The following PRRC2C variants were observed in gnomAD, a reference collection of about 807,000 sequenced individuals.
PRRC2C encodes proline rich coiled-coil 2C, also known as protein PRRC2C.
PRRC2C carries 72 observed loss-of-function variants against 317.2 expected under a neutral mutation model. The ratio of observed to expected loss-of-function variants is 0.23; its 90% confidence interval spans 0.19 to 0.28. The LOEUF (loss-of-function observed/expected upper bound fraction) is 0.28. Among genes scored for constraint, PRRC2C ranks in the 10% least tolerant of loss-of-function variants. PRRC2C has a pLI of 1.00. For synonymous variants in PRRC2C, 1,296 were observed against 1,205.9 expected (o/e 1.07, Z -1.55); for missense variants, 3,074 against 3,459.7 (o/e 0.89, Z 2.80).
intron 22 of PRRC2C, among the ~76,000 whole-genome samples, chr1:171,567,795 T>C (rs1157865755): frequency 6.6e-6 from 1 of 152,230 alleles, no homozygotes; most frequent in Non-Finnish European, 1.5e-5. Context: ...GTTGTATTAT[T>C]CCATTGTTAG....
At position 171,542,085 on chromosome 1, in the gene PRRC2C, T is replaced by C; in HGVS notation, c.4619T>C (p.Ile1540Thr). The C allele has an allele frequency of 6.2e-7, 1 of 1,613,692 alleles. No individual in the cohort carries two copies. Among genetic ancestry groups the C allele is most frequent in the Non-Finnish European group, 8.5e-7 (1 of 1,179,850 alleles). Residue 1540 changes from isoleucine to threonine, a missense_variant, in exon 16 of 35, where the codon ATT (isoleucine) becomes ACT (threonine). This residue lies in a region of PRRC2C where 178 missense variants were observed against 163.0 expected (regional missense o/e 1.09). Transcript: ENST00000647382. Reference protein sequence around the residue: ...GENVLPPKREIAKRSFSSQRP... With the variant: ...GENVLPPKRETAKRSFSSQRP... ...AATGTTCTACCTCCAAAGAGGGAAA[T>C]TGCAAAGAGAAGTTTTTCTAGTCAG...
At chr1:171,559,735 G>A (rs1165010366) in intron 19 of PRRC2C, among the ~76,000 whole-genome samples, 1 of 151,830 alleles carries the variant, frequency 6.6e-6, no homozygotes, top group Admixed American at 6.6e-5. Context: ...TGGCCAGGCT[G>A]GTCTCGAACC....
intron 24 of PRRC2C, 75 bp from the exon 25 acceptor site, chr1:171,574,852 C>T (rs1319446430): frequency 2.2e-6 from 3 of 1,339,460 alleles, no homozygotes; most frequent in African/African-American, 1.5e-5. Context: ...CACTTAAATA[C>T]TGATACATGT....
chr1:171,582,716 C>T (rs1308330616), intron 28 of PRRC2C, among the ~76,000 whole-genome samples: 6 of 151,916 alleles, frequency 3.9e-5, no homozygotes, highest in African/African-American at 9.7e-5. Flanking sequence ...AAAAATGGTA[C>T]GTACCATGTA....
intron 1 of PRRC2C, among the ~76,000 whole-genome samples, chr1:171,508,389 T>G (rs1670655606): frequency 6.6e-6 from 1 of 152,252 alleles, no homozygotes; most frequent in Non-Finnish European, 1.5e-5. Flanking sequence ...CTGCATTTAT[T>G]GAGATGATCA....
chr1:171,563,213 T>C (rs1683021423), intron 20 of PRRC2C, among the ~76,000 whole-genome samples: 1 of 152,130 alleles, frequency 6.6e-6, no homozygotes, highest in African/African-American at 2.4e-5. Flanking sequence ...CTCACCACCA[T>C]AGAAACCAAA....
chr1:171,523,425 A>T lies in PRRC2C; in HGVS notation c.968-10A>T, dbSNP rs755030974. The T allele has an allele frequency of 6.2e-7, 1 of 1,613,484 alleles. No individual in the cohort carries two copies. The highest frequency in any genetic ancestry group is 8.5e-7 in the Non-Finnish European group (1 of 1,179,662). ...CAAGCAGCCAGTCTGAGTTTTCCTT[A>T]ATTTAATAGGTGCTCAGATGGAAGT... On this transcript the variant is annotated splice_polypyrimidine_tract_variant and intron_variant, in intron 8 of 34. Transcript: ENST00000647382.
Position 171,489,074 on chromosome 1 carries a change from C to T in PRRC2C, c.-58+3339C>T, listed in dbSNP as rs76233327. Reference sequence around the variant, plus strand: ...CTCTACTAGACTGTTTCCATGTCCTCATCACCTTGTATGGTGGTTGGCGTA... The same window carrying T: ...CTCTACTAGACTGTTTCCATGTCCTTATCACCTTGTATGGTGGTTGGCGTA... On this transcript the variant is annotated intron_variant, in intron 1 of 34. Coordinates refer to ENST00000647382, the MANE Select transcript of PRRC2C (RefSeq NM_001387844.1). 6.7e-3 allele frequency among the ~76,000 whole-genome samples: 1,023 copies of T among 152,254 alleles called. 13 individuals are homozygous for T. Among genetic ancestry groups the T allele is most frequent in the Non-Finnish European group, 6.4e-3 (437 of 68,008 alleles).
intron 1 of PRRC2C, among the ~76,000 whole-genome samples, chr1:171,500,825 TC>T (rs1197510176): frequency 6.6e-6 from 1 of 152,014 alleles, no homozygotes; most frequent in Non-Finnish European, 1.5e-5. Context: ...CTTTTTTTCC[TC>T]CCCCCAAAAA....
chr1:171,561,794 GTTA>G (rs1682766691), intron 20 of PRRC2C, among the ~76,000 whole-genome samples: 1 of 152,156 alleles, frequency 6.6e-6, no homozygotes, highest in Non-Finnish European at 1.5e-5. Flanking sequence ...ATAGCAGATA[GTTA>G]TTCTAACATA....
rs35480518 is a variant in PRRC2C, at chr1:171,547,633, C to CTTTTTT, written c.4972+1953_4972+1958dup. 7.7e-5 allele frequency among the ~76,000 whole-genome samples: 10 copies of CTTTTTT among 129,834 alleles called. 1 individual carries two copies. Among genetic ancestry groups the CTTTTTT allele is most frequent in the Non-Finnish European group, 1.3e-4 (8 of 63,334 alleles). 85.2% of individuals were successfully genotyped at this position (129,834 alleles called of 152,430 possible). A position where few individuals can be genotyped will look rare whatever the true frequency, so the allele number is the denominator to read the frequency against. ...TTTCTTTTGAAATCAAGTTTCCCTT[C>CTTTTTT]TTTTTTTTTTTTGTTTTTTTTTTTT... On this transcript the variant is annotated intron_variant, in intron 17 of 34. Transcript: ENST00000647382.
At chr1:171,508,872 A>AT (rs564538191) in intron 1 of PRRC2C, among the ~76,000 whole-genome samples, 35 of 149,656 alleles carry the variant, frequency 2.3e-4, no homozygotes, top group Non-Finnish European at 4.0e-4. Context: ...CATCAATTTA[A>AT]TTTTTTTTTT....
intron 11 of PRRC2C, among the ~76,000 whole-genome samples, chr1:171,529,808 T>G (rs992650752): frequency 1.3e-5 from 2 of 152,222 alleles, no homozygotes; most frequent in Admixed American, 6.5e-5. Flanking sequence ...TCTGCTGTTC[T>G]TACCACATAC....
intron 10 of PRRC2C, 102 bp from the exon 11 acceptor site, chr1:171,527,687 CAG>C (rs1557920352): frequency 1.1e-6 from 1 of 882,522 alleles, no homozygotes; most frequent in Non-Finnish European, 1.8e-6. Flanking sequence ...CCCCGGGAGA[CAG>C]AGGTTGCAGT....
At position 171,500,960 on chromosome 1, in the gene PRRC2C, G is replaced by A. The variant is rs564020478; in HGVS notation, c.-57-11072G>A. ...TTGGCCTAGGGTAGAGTGCAGTGGC[G>A]CCATCATGGCTCACTGCAGCCTCGA... is the stretch of plus-strand genomic sequence containing the variant. On this transcript the variant is annotated intron_variant, in intron 1 of 34. Transcript: ENST00000647382. Among the ~76,000 whole-genome samples, 604 of 152,256 alleles carry A rather than the reference G, an allele frequency of 4.0e-3. 6 individuals are homozygous for A. The highest frequency in any genetic ancestry group is 5.0e-3 in the Non-Finnish European group (341 of 68,028).
chr1:171,591,134 G>T, intron 34 of PRRC2C: 1 of 985,710 alleles, frequency 1.0e-6, no homozygotes, highest in Non-Finnish European at 1.2e-6. Flanking sequence ...ACTAATTTCT[G>T]ATGCTCTTCC....
At chr1:171,558,463 C>G (rs531273110) in intron 19 of PRRC2C, among the ~76,000 whole-genome samples, 36 of 136,020 alleles carry the variant, frequency 2.6e-4, no homozygotes, top group Admixed American at 1.9e-3. Context: ...TGGTAACTGT[C>G]AAGCAAGTCT....
intron 11 of PRRC2C, 56 bp from the exon 12 acceptor site, chr1:171,532,287 C>T: frequency 6.6e-7 from 1 of 1,513,450 alleles, no homozygotes; most frequent in Non-Finnish European, 8.8e-7. Flanking sequence ...TGCCTGATAC[C>T]CAGTGTTAGT....
intron 23 of PRRC2C, among the ~76,000 whole-genome samples, chr1:171,569,463 A>G (rs1341531898): frequency 6.6e-6 from 1 of 150,756 alleles, no homozygotes; most frequent in Admixed American, 6.6e-5. Flanking sequence ...AAAGGAATAG[A>G]AAGGAGTGAG....
Sources: gnomAD v4.1 joint callset for allele counts (sites outside exome capture counted in the v4.1 genomes callset) on GRCh38, gnomAD v4.1.1 for gene constraint, gnomAD v4.1.1 regional missense constraint, MANE v1.5 for transcripts, NCBI Gene and HGNC (gene_info 2026-07-23, HGNC 2026-07-21) for gene names.